The following RANBP2 variants were observed in gnomAD, a reference collection of about 807,000 sequenced individuals.
RANBP2 encodes E3 SUMO-protein ligase RanBP2.
Under a neutral mutation model 303.6 loss-of-function variants are expected in RANBP2, and 57 were observed. The observed-to-expected ratio is 0.19, with a 90% confidence interval of 0.15 to 0.23. RANBP2 has a LOEUF of 0.23. Ranked by LOEUF, RANBP2 falls within the 10% of genes least tolerant of loss-of-function variation. RANBP2 has a pLI of 1.00. For missense variants in RANBP2, 3,138 were observed against 3,780.8 expected (o/e 0.83, Z 4.46); for synonymous variants, 1,167 against 1,301.5 (o/e 0.90, Z 2.23).
At chr2:109,573,201 T>C in the RANBP2 span, among the ~76,000 whole-genome samples, 1 of 152,102 alleles carries the variant, frequency 6.6e-6, no homozygotes, top group African/African-American at 2.4e-5. Context: ...ACACTGAAAA[T>C]CACTTAAGTC....
chr2:109,573,078 T>G, the RANBP2 span, among the ~76,000 whole-genome samples: 1 of 152,242 alleles, frequency 6.6e-6, no homozygotes, highest in African/African-American at 2.4e-5. Context: ...AGATAGGCTC[T>G]TACTGGGTAT....
At chr2:109,579,385 C>CTT in the RANBP2 span, among the ~76,000 whole-genome samples, 9 of 139,384 alleles carry the variant, frequency 6.5e-5, no homozygotes, top group East Asian at 2.0e-4. Flanking sequence ...CCAGGCCCTC[C>CTT]TTTTTTTTTT....
the RANBP2 span, chr2:108,876,326 A>G: frequency 7.2e-6 from 6 of 834,148 alleles, no homozygotes; most frequent in Non-Finnish European, 1.1e-5. Context: ...AGTAACTACA[A>G]TTCTACCAAG....
At chr2:108,830,588 C>T in the RANBP2 span, among the ~76,000 whole-genome samples, 1 of 151,714 alleles carries the variant, frequency 6.6e-6, no homozygotes, top group Non-Finnish European at 1.5e-5. Flanking sequence ...GGGCAGATCA[C>T]CTGATGTCAG....
the RANBP2 span, chr2:109,565,707 T>C: frequency 7.2e-7 from 1 of 1,386,756 alleles, no homozygotes; most frequent in African/African-American, 1.4e-5. Flanking sequence ...GCATGACAGG[T>C]AGCTTTGAGA....
At chr2:109,497,001 C>G in the RANBP2 span, among the ~76,000 whole-genome samples, 1 of 152,158 alleles carries the variant, frequency 6.6e-6, no homozygotes, top group Admixed American at 6.5e-5. Context: ...CTTCTAGCAA[C>G]TGGAAAGGCA....
chr2:108,902,185 G>C, the RANBP2 span, among the ~76,000 whole-genome samples: 1 of 151,482 alleles, frequency 6.6e-6, no homozygotes, highest in Non-Finnish European at 1.5e-5. Context: ...TTGCCAGCCT[G>C]GGACAGAGTG....
the RANBP2 span, among the ~76,000 whole-genome samples, chr2:109,248,312 TC>T: frequency 6.6e-6 from 1 of 152,204 alleles, no homozygotes; most frequent in Admixed American, 6.5e-5. Context: ...TTAAAAATCT[TC>T]CCCACCCTTG....
At chr2:109,699,938 T>A in the RANBP2 span, among the ~76,000 whole-genome samples, 82,050 of 152,048 alleles carry the variant, frequency 0.54, 24,196 homozygotes, top group South Asian at 0.78. Flanking sequence ...TCTCTCAGGA[T>A]TTGCTTCCTT....
chr2:108,892,938 C>T, the RANBP2 span, among the ~76,000 whole-genome samples: 1 of 152,216 alleles, frequency 6.6e-6, no homozygotes, highest in African/African-American at 2.4e-5. Flanking sequence ...AAGAGGCTGG[C>T]ATGAAATGCT....
chr2:108,841,157 G>GT, the RANBP2 span, among the ~76,000 whole-genome samples: 4 of 152,042 alleles, frequency 2.6e-5, no homozygotes, highest in Non-Finnish European at 5.9e-5. Context: ...TTCTTTAGAA[G>GT]TTTGTTGTGT....
chr2:109,400,266 C>T, the RANBP2 span, among the ~76,000 whole-genome samples: 3 of 151,960 alleles, frequency 2.0e-5, no homozygotes, highest in South Asian at 2.1e-4. Context: ...AGCACATGCC[C>T]GCCCGCACAT....
the RANBP2 span, among the ~76,000 whole-genome samples, chr2:108,919,020 G>A: frequency 6.6e-6 from 1 of 152,058 alleles, no homozygotes; most frequent in Non-Finnish European, 1.5e-5. Context: ...GCTGAGTCTC[G>A]GGCCCACTGG....
the RANBP2 span, among the ~76,000 whole-genome samples, chr2:109,619,645 C>T: frequency 6.6e-6 from 1 of 152,164 alleles, no homozygotes; most frequent in Non-Finnish European, 1.5e-5. Context: ...TTTTCAGGAT[C>T]ACTGAAAGAC....
the RANBP2 span, among the ~76,000 whole-genome samples, chr2:109,495,768 G>A: frequency 6.6e-6 from 1 of 152,126 alleles, no homozygotes; most frequent in African/African-American, 2.4e-5. Flanking sequence ...CTGGGCGTGA[G>A]GCGTGAGCCA....
the RANBP2 span, among the ~76,000 whole-genome samples, chr2:108,927,324 G>T: frequency 6.6e-6 from 1 of 152,212 alleles, no homozygotes; most frequent in East Asian, 1.9e-4. Context: ...TCCAGCACTG[G>T]AAAGAATGTT....
chr2:109,534,829 G>A, the RANBP2 span, among the ~76,000 whole-genome samples: 2 of 151,932 alleles, frequency 1.3e-5, no homozygotes, highest in South Asian at 4.2e-4. Flanking sequence ...TTTGTTTTAA[G>A]TATTGCTATC....
chr2:108,919,200 C>G, the RANBP2 span, among the ~76,000 whole-genome samples: 1 of 152,096 alleles, frequency 6.6e-6, no homozygotes, highest in South Asian at 2.1e-4. Context: ...GAAGAGCATC[C>G]GGGCACAAGA....
chr2:109,546,484 C>G, the RANBP2 span, among the ~76,000 whole-genome samples: 1 of 151,846 alleles, frequency 6.6e-6, no homozygotes, highest in African/African-American at 2.4e-5. Flanking sequence ...ATTTTTAAAA[C>G]ATTGTGAACT....
Sources: allele counts gnomAD v4.1 joint callset (sites outside exome capture counted in the v4.1 genomes callset), GRCh38; gene constraint gnomAD v4.1.1; transcripts MANE v1.5; gene names NCBI Gene and HGNC (gene_info 2026-07-23, HGNC 2026-07-21).